Variants in CYTH3 observed in about 807,000 individuals in gnomAD.
The protein encoded by CYTH3 is cytohesin 3.
Under a neutral mutation model 55.1 loss-of-function variants are expected in CYTH3, and 23 were observed. The observed-to-expected ratio is 0.42, with a 90% CI of 0.30 to 0.59. The LOEUF (loss-of-function observed/expected upper bound fraction) is 0.59. CYTH3 is among the 20% of genes least tolerant of loss of function. The pLI is 0.20. For missense variants in CYTH3, 413 were observed against 524.8 expected (o/e 0.79, Z 2.08); for synonymous variants, 249 against 194.9 (o/e 1.28, Z -2.31).
At position 6,187,720 on chromosome 7, in the gene CYTH3, CT is replaced by C; in HGVS notation, c.118del (p.Arg40GlyfsTer2). 1 of 1,614,046 alleles carries C rather than the reference CT, an allele frequency of 6.2e-7. No homozygotes were observed. The highest frequency in any genetic ancestry group is 8.5e-7 in the Non-Finnish European group (1 of 1,179,908). Reference protein sequence around the residue: ...RKKELIDDIERLKYEIAEVMT... With the variant: ...RKKELIDDIEXLKYEIAEVMT... The stretch of plus-strand genomic sequence containing the variant: ...CACCTCTGCAATTTCATATTTCAGC[CT>C]CTGTCAAAAAAGAAGAATTTCGAGG... On this transcript the variant is annotated frameshift_variant and splice_region_variant, in exon 3 of 13. Transcript: ENST00000350796. LOFTEE classifies it high-confidence loss of function.
chr7:6,233,174 G>A (rs1320186048), intron 1 of CYTH3, among the ~76,000 whole-genome samples: 1 of 152,084 alleles, frequency 6.6e-6, no homozygotes, highest in Non-Finnish European at 1.5e-5. Context: ...TAGGTTTTCA[G>A]CACACCAGTA....
Position 6,187,741 on chromosome 7 carries a change from T to C in CYTH3, c.118-20A>G. On this transcript the variant is annotated intron_variant, in intron 2 of 12. Coordinates refer to ENST00000350796, the MANE Select transcript of CYTH3 (RefSeq NM_004227.4). ...CAGCCTCTGTCAAAAAAGAAGAATT[T>C]CGAGGTGGGGAGTGGGTCTTAACCT... is the stretch of plus-strand genomic sequence containing the variant. 1 of 1,611,828 alleles carries C rather than the reference T, an allele frequency of 6.2e-7. No homozygotes were observed. The highest frequency in any genetic ancestry group is 1.1e-5 in the South Asian group (1 of 91,012).
At chr7:6,166,058 G>A (rs1782994121) in intron 9 of CYTH3, among the ~76,000 whole-genome samples, 1 of 152,212 alleles carries the variant, frequency 6.6e-6, no homozygotes, top group Non-Finnish European at 1.5e-5. Flanking sequence ...TTCGCTTCCT[G>A]GGAGAGTTAG....
chr7:6,269,908 A>G (rs998685919), intron 1 of CYTH3, among the ~76,000 whole-genome samples: 1 of 152,264 alleles, frequency 6.6e-6, no homozygotes, highest in Non-Finnish European at 1.5e-5. Flanking sequence ...GGCTTCTACC[A>G]TAACTACTGT....
chr7:6,263,253 A>G (rs971965569), intron 1 of CYTH3, among the ~76,000 whole-genome samples: 4 of 152,214 alleles, frequency 2.6e-5, no homozygotes, highest in Admixed American at 2.0e-4. Context: ...TTTCTTACCC[A>G]TGAGATAGGT....
At chr7:6,242,219 G>A (rs546388518) in intron 1 of CYTH3, among the ~76,000 whole-genome samples, 54 of 151,930 alleles carry the variant, frequency 3.6e-4, no homozygotes, top group Non-Finnish European at 6.2e-4. Context: ...TGGGACTACA[G>A]GCGCCCACCA....
At chr7:6,189,847 T>C (rs1173119505) in intron 2 of CYTH3, among the ~76,000 whole-genome samples, 1 of 151,950 alleles carries the variant, frequency 6.6e-6, no homozygotes, top group African/African-American at 2.4e-5. Flanking sequence ...CCAATCTGCC[T>C]AACACAGTGA....
At chr7:6,181,131 A>C (rs1055042803) in intron 4 of CYTH3, among the ~76,000 whole-genome samples, 2 of 152,234 alleles carry the variant, frequency 1.3e-5, no homozygotes, top group East Asian at 1.9e-4. Flanking sequence ...AGAAAACCTT[A>C]GCTGTTCCTT....
rs1782846188 is a variant in CYTH3 at position 6,162,145 on chromosome 7, A to AAAT, written c.*2796_*2798dup. The stretch of plus-strand genomic sequence containing the variant: ...AAGCACTAAGTGCTGCTCCATCTAT[A>AAAT]AATAGCTCCTATTTTCAGTTTGGTA... On this transcript the variant is annotated 3_prime_UTR_variant, in exon 13 of 13. Coordinates refer to ENST00000350796, the MANE Select transcript of CYTH3 (RefSeq NM_004227.4). The AAAT allele has an allele frequency of 6.6e-6, 1 of 152,610 alleles. No individual in the cohort carries two copies. The highest frequency in any genetic ancestry group is 1.5e-5 in the Non-Finnish European group (1 of 68,048). 9.5% of individuals were successfully genotyped at this position (152,610 alleles called of 1,614,324 possible). A position where few individuals can be genotyped will look rare whatever the true frequency, so the allele number is the denominator to read the frequency against.
intron 4 of CYTH3, among the ~76,000 whole-genome samples, chr7:6,185,556 C>G (rs978370443): frequency 6.6e-6 from 1 of 151,914 alleles, no homozygotes; most frequent in Non-Finnish European, 1.5e-5. Context: ...AAAAATTAGC[C>G]GGGCATGGTG....
At chr7:6,168,651 G>A (rs932523137) in intron 9 of CYTH3, among the ~76,000 whole-genome samples, 5 of 152,336 alleles carry the variant, frequency 3.3e-5, no homozygotes, top group Non-Finnish European at 5.9e-5. Context: ...CTTGGCACCC[G>A]GCGCCCAGCC....
rs1375474542 is a variant in CYTH3 at position 6,167,216 on chromosome 7, C to T, written c.824-1406G>A. Among the ~76,000 whole-genome samples, 1 of 152,214 alleles carries T rather than the reference C, an allele frequency of 6.6e-6. No individual in the cohort carries two copies. Among genetic ancestry groups the T allele is most frequent in the East Asian group, 1.9e-4 (1 of 5,184 alleles). ...ATGCTCTCTGCAAGCCCTTGGCCTTCACCTTCCCCACCTCCACTGCAGCAC... is the reference window on the plus strand; with the variant it reads ...ATGCTCTCTGCAAGCCCTTGGCCTTTACCTTCCCCACCTCCACTGCAGCAC... On this transcript the variant is annotated intron_variant, in intron 9 of 12. Coordinates refer to ENST00000350796, the MANE Select transcript of CYTH3 (RefSeq NM_004227.4). This position sits in a 1 kb window ranked among gnomAD's most constrained non-coding sequence, Gnocchi z 5.5.
rs539687623 is a variant in CYTH3, at chr7:6,172,831, A to G, written c.449+822T>C. On this transcript the variant is annotated intron_variant, in intron 6 of 12. Transcript: ENST00000350796. The stretch of plus-strand genomic sequence containing the variant: ...CTTATATGTTGCGAACTCTCAGCGC[A>G]CTGTTCAGCCCCAGGCTGCGCTGTG... 18 of 1,283,204 alleles carry G rather than the reference A, an allele frequency of 1.4e-5. No individual in the cohort carries two copies. The Middle Eastern group carries it at 6.5e-4, about 46-fold the overall frequency. The allele number at this position is 1,283,204 out of a possible 1,614,324, so 79.5% of individuals were successfully genotyped here.
intron 12 of CYTH3, 39 bp downstream of exon 12, chr7:6,165,234 A>G (rs1267774321): frequency 6.3e-7 from 1 of 1,587,250 alleles, no homozygotes; most frequent in Admixed American, 1.8e-5. Flanking sequence ...AACCGGCACG[A>G]GAAGACGGGC....
intron 1 of CYTH3, among the ~76,000 whole-genome samples, chr7:6,225,680 ATTTT>A (rs746185298): frequency 7.3e-6 from 1 of 137,718 alleles, no homozygotes; most frequent in East Asian, 2.1e-4. Flanking sequence ...TTTTTGAAGA[ATTTT>A]TTTTTTTTTT....
intron 1 of CYTH3, among the ~76,000 whole-genome samples, chr7:6,193,436 T>A (rs1783850564): frequency 2.6e-5 from 4 of 151,124 alleles, no homozygotes; most frequent in Admixed American, 2.6e-4. Flanking sequence ...ATTAGCAATT[T>A]AAAAAACTCA....
chr7:6,176,437 GT>G (rs376603337), intron 5 of CYTH3, among the ~76,000 whole-genome samples: 222 of 151,274 alleles, frequency 1.5e-3, no homozygotes, highest in African/African-American at 5.0e-3. Context: ...AATTTTTTGT[GT>G]TTTTAGTAGA....
At chr7:6,242,045 A>C (rs1456585851) in intron 1 of CYTH3, among the ~76,000 whole-genome samples, 1 of 152,126 alleles carries the variant, frequency 6.6e-6, no homozygotes, top group East Asian at 1.9e-4. Flanking sequence ...ACACACCTTT[A>C]CACAAAGGAA....
chr7:6,272,348 G>T, intron 1 of CYTH3, 126 bp downstream of exon 1: 1 of 907,566 alleles, frequency 1.1e-6, no homozygotes, highest in Non-Finnish European at 1.4e-6. Context: ...TCCAGCGGAC[G>T]CCGCTGCCGC....
Sources: gnomAD v4.1 joint callset for allele counts (sites outside exome capture counted in the v4.1 genomes callset) on GRCh38, gnomAD v4.1.1 for gene constraint, Gnocchi (gnomAD v3.1) non-coding constraint, MANE v1.5 for transcripts, NCBI Gene and HGNC (gene_info 2026-07-23, HGNC 2026-07-21) for gene names.